The following SPIDR variants were observed in gnomAD, a reference collection of about 807,000 sequenced individuals.
SPIDR encodes scaffold protein involved in DNA repair.
A neutral mutation model predicts 104.6 loss-of-function variants in SPIDR; 93 were observed. That is an observed-to-expected ratio of 0.89 (90% CI 0.75 to 1.06). SPIDR has a LOEUF of 1.06. Among genes scored for constraint, SPIDR ranks in the 50% least tolerant of loss-of-function variants. The probability of loss-of-function intolerance (pLI) is 0.00; values close to 1 mark genes in which losing one functional copy is unlikely to be tolerated. For synonymous variants in SPIDR, 431 were observed against 416.9 expected, an observed-to-expected ratio of 1.03 and a Z score of -0.41; for missense variants, 1,154 against 1,111.2, an observed-to-expected ratio of 1.04 and a Z score of -0.55.
intron 5 of SPIDR, among the ~76,000 whole-genome samples, chr8:47,305,289 A>G (rs1408054649): frequency 6.6e-6 from 1 of 152,242 alleles, no homozygotes; most frequent in Non-Finnish European, 1.5e-5. Context: ...TAATAGACAT[A>G]ATCAATGTAA....
chr8:47,702,098 T>TACACACACAC (rs3062665), intron 14 of SPIDR, 83 bp downstream of exon 14: 2 of 62,942 alleles, frequency 3.2e-5, no homozygotes, highest in African/African-American at 1.5e-4. Flanking sequence ...CTCTCTCTCT[T>TACACACACAC]ACACACACAC....
chr8:47,289,809 A>G (rs2039568700), intron 3 of SPIDR, among the ~76,000 whole-genome samples: 1 of 152,192 alleles, frequency 6.6e-6, no homozygotes, highest in African/African-American at 2.4e-5. Context: ...TTATACACAG[A>G]TGTTCATAAG....
intron 10 of SPIDR, among the ~76,000 whole-genome samples, chr8:47,611,904 G>C (rs1308499505): frequency 3.9e-5 from 6 of 152,138 alleles, no homozygotes; most frequent in Non-Finnish European, 1.5e-5. Flanking sequence ...CAAAAAAGGA[G>C]AACTGAGCCG....
intron 10 of SPIDR, among the ~76,000 whole-genome samples, chr8:47,641,758 A>G (rs1359961299): frequency 6.6e-6 from 1 of 152,178 alleles, no homozygotes; most frequent in Admixed American, 6.5e-5. Context: ...ACTGCCTGAC[A>G]TAGAAGCCCA....
chr8:47,460,461 TC>T (rs2073755986), intron 8 of SPIDR, among the ~76,000 whole-genome samples: 1 of 152,220 alleles, frequency 6.6e-6, no homozygotes, highest in Non-Finnish European at 1.5e-5. Context: ...GTTTGTTTTG[TC>T]TGTTATAAAA....
At chr8:47,415,530 G>A (rs1390812778) in intron 7 of SPIDR, among the ~76,000 whole-genome samples, 1 of 152,174 alleles carries the variant, frequency 6.6e-6, no homozygotes, top group Non-Finnish European at 1.5e-5. Context: ...GTATTAGGAG[G>A]TAAGTAAGGC....
chr8:47,305,111 A>T (rs1554580675), intron 5 of SPIDR, among the ~76,000 whole-genome samples: 4,290 of 152,340 alleles, frequency 0.028, 218 homozygotes, highest in African/African-American at 0.096. Context: ...ATTCTGTTAA[A>T]GCAAAGCAAA....
At chr8:47,611,727 G>A (rs559462032) in intron 10 of SPIDR, among the ~76,000 whole-genome samples, 22 of 152,056 alleles carry the variant, frequency 1.4e-4, no homozygotes, top group African/African-American at 5.1e-4. Context: ...GAATTCAGTC[G>A]ATAATGATGT....
At chr8:47,363,578 G>GAT (rs2056589430) in intron 5 of SPIDR, among the ~76,000 whole-genome samples, 1 of 151,694 alleles carries the variant, frequency 6.6e-6, no homozygotes, top group Non-Finnish European at 1.5e-5. Flanking sequence ...CCCGCCCCAG[G>GAT]CTCTGGCAGT....
At chr8:47,580,215 A>T (rs555234539) in intron 8 of SPIDR, among the ~76,000 whole-genome samples, 39 of 152,304 alleles carry the variant, frequency 2.6e-4, no homozygotes, top group African/African-American at 9.1e-4. Context: ...TCTTTTTAAT[A>T]TTTAGGAGGA....
chr8:47,329,466 G>A (rs1241559770), intron 5 of SPIDR, among the ~76,000 whole-genome samples: 1 of 152,020 alleles, frequency 6.6e-6, no homozygotes, highest in South Asian at 2.1e-4. Context: ...CCTTGGCCTC[G>A]CAACGTGTTG....
intron 8 of SPIDR, among the ~76,000 whole-genome samples, chr8:47,450,278 A>AAC (rs1210559918): frequency 9.2e-5 from 14 of 152,296 alleles, no homozygotes; most frequent in African/African-American, 2.9e-4. Flanking sequence ...GCAGAAGGTG[A>AAC]AAGGGCAAGA....
Position 47,289,707 on chromosome 8 carries a change from C to G in SPIDR, c.257-1326C>G, listed in dbSNP as rs889484545. Reference sequence around the variant, plus strand: ...ACTCTGGAGAACAGTCTGGCAGTTTCTTAAAGACTAAACATGCAATTACCA... The same window carrying G: ...ACTCTGGAGAACAGTCTGGCAGTTTGTTAAAGACTAAACATGCAATTACCA... On this transcript the variant is annotated intron_variant, in intron 3 of 19. Transcript: ENST00000297423. 9.9e-5 allele frequency among the ~76,000 whole-genome samples: 15 copies of G among 152,268 alleles called. No individual in the cohort carries two copies. The East Asian group carries it at 2.7e-3, about 27-fold the overall frequency.
At chr8:47,516,343 A>G (rs939311273) in intron 8 of SPIDR, among the ~76,000 whole-genome samples, 2 of 152,222 alleles carry the variant, frequency 1.3e-5, no homozygotes, top group East Asian at 1.9e-4. Flanking sequence ...ATTAACTACA[A>G]TCATAATGTG....
chr8:47,595,530 CT>C (rs1026457763), intron 8 of SPIDR, among the ~76,000 whole-genome samples: 19 of 152,212 alleles, frequency 1.2e-4, no homozygotes, highest in Non-Finnish European at 2.2e-4. Flanking sequence ...GTATTTCCCC[CT>C]GAGGGGTCTT....
chr8:47,347,669 G>C (rs534500901), intron 5 of SPIDR, among the ~76,000 whole-genome samples: 1 of 152,116 alleles, frequency 6.6e-6, no homozygotes, highest in African/African-American at 2.4e-5. Flanking sequence ...AGGATAGTTA[G>C]CTCTTCTTGT....
At position 47,548,743 on chromosome 8, in the gene SPIDR, G is replaced by C. The variant is rs770383891; in HGVS notation, c.1098-47068G>C. On this transcript the variant is annotated intron_variant, in intron 8 of 19. Transcript: ENST00000297423. ...TGGAAATATTCTTTCTTGTGTGTTT[G>C]AATATCCTCATTCCTCTTTGTGTTT... 1.4e-3 allele frequency among the ~76,000 whole-genome samples: 208 copies of C among 152,138 alleles called. 3 individuals are homozygous for C. The highest frequency in any genetic ancestry group is 1.9e-3 in the Non-Finnish European group (130 of 68,008).
At chr8:47,346,464 C>G (rs541008577) in intron 5 of SPIDR, among the ~76,000 whole-genome samples, 1 of 152,202 alleles carries the variant, frequency 6.6e-6, no homozygotes, top group Non-Finnish European at 1.5e-5. Context: ...TTTGGTATCA[C>G]GATGATGCTG....
intron 5 of SPIDR, among the ~76,000 whole-genome samples, chr8:47,361,507 T>A (rs1050826186): frequency 2.6e-5 from 4 of 152,164 alleles, no homozygotes; most frequent in African/African-American, 9.7e-5. Context: ...AACCAAATAT[T>A]CACATATGAG....
Sources: allele counts gnomAD v4.1 joint callset (sites outside exome capture counted in the v4.1 genomes callset), GRCh38; gene constraint gnomAD v4.1.1; transcripts MANE v1.5; gene names NCBI Gene and HGNC (gene_info 2026-07-23, HGNC 2026-07-21).